Variants in YPEL2 observed in about 807,000 individuals in gnomAD.
YPEL2 encodes protein yippee-like 2.
In YPEL2, 2 loss-of-function variants were observed where a neutral mutation model predicts 19.1. That is an observed-to-expected ratio of 0.10 (90% CI 0.04 to 0.33). YPEL2 has a LOEUF of 0.33. Ranked by LOEUF, YPEL2 falls within the 10% of genes least tolerant of loss-of-function variation. The probability of loss-of-function intolerance (pLI) is 1.00; values close to 1 mark genes in which losing one functional copy is unlikely to be tolerated. For synonymous variants in YPEL2, 52 were observed against 50.0 expected (o/e 1.04, Z -0.17); for missense variants, 66 against 140.7 (o/e 0.47, Z 2.68).
intron 1 of YPEL2, among the ~76,000 whole-genome samples, chr17:59,352,064 C>G (rs2047790041): frequency 6.6e-6 from 1 of 152,202 alleles, no homozygotes; most frequent in Non-Finnish European, 1.5e-5. Context: ...CAGGCTTTCT[C>G]TAAAGATCCA....
intron 1 of YPEL2, among the ~76,000 whole-genome samples, chr17:59,346,801 T>C (rs932242217): frequency 6.6e-6 from 1 of 152,010 alleles, no homozygotes; most frequent in Non-Finnish European, 1.5e-5. Context: ...TGAGGTGACA[T>C]TTGAGCTGAG....
chr17:59,359,561 AATT>A (rs1337526344), intron 2 of YPEL2, among the ~76,000 whole-genome samples: 1 of 152,198 alleles, frequency 6.6e-6, no homozygotes, highest in Non-Finnish European at 1.5e-5. Context: ...CCTTGAAGAT[AATT>A]ATTCTATGAA....
rs1319099622 is a variant in YPEL2 at position 59,379,795 on chromosome 17, C to T, written c.118-8532C>T. On this transcript the variant is annotated intron_variant, in intron 2 of 4. Transcript: ENST00000312655. ...CTCAATTTTTAAAAGCTCAAGTTTA[C>T]GTTTGTACCAGTAAGTTTTTTTTGT... Among the ~76,000 whole-genome samples, 4 of 151,862 alleles carry T rather than the reference C, an allele frequency of 2.6e-5. No homozygotes were observed. The East Asian group carries it at 7.7e-4, about 29-fold the overall frequency.
intron 1 of YPEL2, among the ~76,000 whole-genome samples, chr17:59,340,784 C>T (rs1031427967): frequency 3.3e-5 from 5 of 149,982 alleles, no homozygotes; most frequent in Admixed American, 2.0e-4. Flanking sequence ...GACGCCATCT[C>T]GGTCACTGCA....
At chr17:59,333,747 A>G (rs953304563) in intron 1 of YPEL2, among the ~76,000 whole-genome samples, 3 of 152,222 alleles carry the variant, frequency 2.0e-5, no homozygotes, top group Non-Finnish European at 4.4e-5. Flanking sequence ...AAATGTGTAT[A>G]AAGATGACCT....
intron 2 of YPEL2, chr17:59,355,205 C>T (rs2047806818): frequency 6.6e-6 from 1 of 152,124 alleles, no homozygotes. Context: ...ATGAGTCATA[C>T]TTTATGCGGA....
At chr17:59,377,174 C>G (rs915325534) in intron 2 of YPEL2, among the ~76,000 whole-genome samples, 1 of 152,026 alleles carries the variant, frequency 6.6e-6, no homozygotes, top group African/African-American at 2.4e-5. Flanking sequence ...TTGGCCAGTG[C>G]CCATTTGGCT....
At chr17:59,378,419 A>G (rs2047933078) in intron 2 of YPEL2, among the ~76,000 whole-genome samples, 1 of 149,660 alleles carries the variant, frequency 6.7e-6, no homozygotes. Flanking sequence ...ATCTCAGCTC[A>G]CTGCAACCTC....
intron 1 of YPEL2, among the ~76,000 whole-genome samples, chr17:59,348,849 A>AATG (rs1358226323): frequency 6.6e-6 from 1 of 152,164 alleles, no homozygotes; most frequent in Admixed American, 6.5e-5. Flanking sequence ...CAAAAATTAG[A>AATG]ATGATGAGTT....
At chr17:59,344,890 A>G (rs980984570) in intron 1 of YPEL2, among the ~76,000 whole-genome samples, 1 of 152,224 alleles carries the variant, frequency 6.6e-6, no homozygotes, top group East Asian at 1.9e-4. Flanking sequence ...CCATCCCTCT[A>G]GAGCAGTGGT....
rs76291839 is a variant in YPEL2, at chr17:59,339,311, C to T, written c.-196+7487C>T. Among the ~76,000 whole-genome samples the T allele has an allele frequency of 4.5e-3, 680 of 152,248 alleles. 3 individuals carry two copies. The highest frequency in any genetic ancestry group is 0.024 in the Middle Eastern group (7 of 294). ...TAGGGCTTGCAGTTTGTTTTGCTCG[C>T]GGGGCTCTTTTTTTCTGTTAGGATT... is the stretch of plus-strand genomic sequence containing the variant. On this transcript the variant is annotated intron_variant, in intron 1 of 4. Transcript: ENST00000312655.
At chr17:59,332,366 C>A (rs1269785203) in intron 1 of YPEL2, among the ~76,000 whole-genome samples, 1 of 152,202 alleles carries the variant, frequency 6.6e-6, no homozygotes, top group Non-Finnish European at 1.5e-5. Context: ...GCGTCGTCTG[C>A]CCCGACCCGG....
In YPEL2 at chr17:59,400,634, A is replaced by C. The variant is rs900172365; in HGVS notation, c.*3444A>C. 3 of 152,636 alleles carry C rather than the reference A, an allele frequency of 2.0e-5. No homozygotes were observed. Among genetic ancestry groups the C allele is most frequent in the African/African-American group, 7.2e-5 (3 of 41,456 alleles). The allele number at this position is 152,636 out of a possible 1,614,324, so 9.5% of individuals were successfully genotyped here. On this transcript the variant is annotated 3_prime_UTR_variant, in exon 5 of 5. Coordinates refer to ENST00000312655, the MANE Select transcript of YPEL2 (RefSeq NM_001005404.4). ...ATATTTTCTTGCATCAGTATTGGCT[A>C]GAAAAGAAAATAAATAAAACCAAGT...
At chr17:59,385,027 A>G (rs527880123) in intron 2 of YPEL2, among the ~76,000 whole-genome samples, 11 of 152,356 alleles carry the variant, frequency 7.2e-5, no homozygotes, top group African/African-American at 2.6e-4. Flanking sequence ...ACTTAGGACC[A>G]TGGAATAATA....
chr17:59,373,646 T>C (rs892043151), intron 2 of YPEL2, among the ~76,000 whole-genome samples: 2 of 152,250 alleles, frequency 1.3e-5, no homozygotes, highest in African/African-American at 4.8e-5. Context: ...AGACACAATA[T>C]TTCTTCATGT....
chr17:59,354,520 AATGAAGGATCTAGTCAGCTCTTGTAG>A (rs1170746096), intron 2 of YPEL2: 1 of 152,140 alleles, frequency 6.6e-6, no homozygotes, highest in Non-Finnish European at 1.5e-5. Context: ...GCCAGAGAGG[AATGAAGGATCTAGTCAGCTCTTGTAG>A]AACAGTCCTC....
intron 2 of YPEL2, among the ~76,000 whole-genome samples, chr17:59,377,062 C>A (rs1222286134): frequency 3.3e-5 from 5 of 151,560 alleles, no homozygotes; most frequent in Non-Finnish European, 7.4e-5. Flanking sequence ...CTTTCTCAGG[C>A]CTTTTTGCCT....
rs10853012 is a variant in YPEL2, at chr17:59,400,915, T to A, written c.*3725T>A. The A allele has an allele frequency of 0.14, 20,885 of 152,638 alleles. 1,904 individuals are homozygous for A. The highest frequency in any genetic ancestry group is 0.44 in the East Asian group (2,252 of 5,166). The allele number at this position is 152,638 out of a possible 1,614,324, so 9.5% of individuals were successfully genotyped here. A position where few individuals can be genotyped will look rare whatever the true frequency, so the allele number is the denominator to read the frequency against. ...AGAACCCACGAGGATTTGTTTTGAGTATGGAGCTGTTGCGGGTTTGCTCCT... is the reference window on the plus strand; with the variant it reads ...AGAACCCACGAGGATTTGTTTTGAGAATGGAGCTGTTGCGGGTTTGCTCCT... On this transcript the variant is annotated 3_prime_UTR_variant, in exon 5 of 5. Transcript: ENST00000312655.
chr17:59,376,027 A>G (rs1283643621), intron 2 of YPEL2, among the ~76,000 whole-genome samples: 1 of 152,186 alleles, frequency 6.6e-6, no homozygotes, highest in Non-Finnish European at 1.5e-5. Context: ...TGGAGGTTTT[A>G]TCAGTTCACA....
Sources: allele counts gnomAD v4.1 joint callset (sites outside exome capture counted in the v4.1 genomes callset), GRCh38; gene constraint gnomAD v4.1.1; transcripts MANE v1.5; gene names NCBI Gene and HGNC (gene_info 2026-07-23, HGNC 2026-07-21).